DTNBP1: variants seen among roughly 807,000 people sequenced by gnomAD.
The protein encoded by DTNBP1 is dystrobrevin binding protein 1, also known as dysbindin.
Under a neutral mutation model 42.8 loss-of-function variants are expected in DTNBP1, and 35 were observed. The observed-to-expected ratio is 0.82, with a 90% CI of 0.63 to 1.09. The LOEUF (loss-of-function observed/expected upper bound fraction) is 1.09. DTNBP1 is among the 50% of genes least tolerant of loss of function. The pLI, the probability that DTNBP1 is intolerant of heterozygous loss-of-function variation, is 0.00. For synonymous variants in DTNBP1, 171 were observed against 162.2 expected (o/e 1.05, Z -0.41); for missense variants, 457 against 424.2 (o/e 1.08, Z -0.68).
chr6:15,584,709 T>C (rs895152308), intron 7 of DTNBP1, among the ~76,000 whole-genome samples: 3 of 143,668 alleles, frequency 2.1e-5, no homozygotes, highest in South Asian at 2.2e-4. Context: ...GTATTTCTTT[T>C]TTTTTTTTTT....
intron 6 of DTNBP1, among the ~76,000 whole-genome samples, chr6:15,597,295 G>A (rs1018193182): frequency 6.6e-6 from 1 of 152,140 alleles, no homozygotes; most frequent in Non-Finnish European, 1.5e-5. Context: ...GGTTTGGTAG[G>A]AAAGGCCTCC....
intron 6 of DTNBP1, among the ~76,000 whole-genome samples, chr6:15,594,178 TGTGGCTGGGCGTG>T: frequency 6.6e-6 from 1 of 151,974 alleles, no homozygotes; most frequent in South Asian, 2.1e-4. Flanking sequence ...CAAAAACCTG[TGTGGCTGGGCGTG>T]GTGGCTCATG....
chr6:15,634,372 G>A (rs1462595565), intron 4 of DTNBP1, among the ~76,000 whole-genome samples: 21 of 152,086 alleles, frequency 1.4e-4, no homozygotes, highest in East Asian at 5.8e-4. Flanking sequence ...CCTAGAGTGC[G>A]GTGGCTCAAT....
chr6:15,643,525 A>G (rs184784251), intron 3 of DTNBP1, among the ~76,000 whole-genome samples: 31 of 152,220 alleles, frequency 2.0e-4, no homozygotes, highest in Admixed American at 1.9e-3. Context: ...CAAAAATCAT[A>G]AAGGCAGCTA....
intron 4 of DTNBP1, among the ~76,000 whole-genome samples, chr6:15,632,617 C>A (rs1210380299): frequency 6.6e-6 from 1 of 152,140 alleles, no homozygotes; most frequent in Non-Finnish European, 1.5e-5. Context: ...TCAAACACTG[C>A]AGGTTTTTGG....
intron 7 of DTNBP1, among the ~76,000 whole-genome samples, chr6:15,535,744 G>T (rs998506156): frequency 2.0e-5 from 3 of 152,234 alleles, no homozygotes; most frequent in Non-Finnish European, 4.4e-5. Context: ...ACGGGTAGAG[G>T]TTGGAACAGT....
upstream of DTNBP1, chr6:15,663,036 T>TCCGCGTTCCCGCC: frequency 4.5e-6 from 4 of 888,912 alleles, no homozygotes; most frequent in Non-Finnish European, 6.3e-6. Context: ...CCCAGCCCCT[T>TCCGCGTTCCCGCC]CCGCGTTCCC....
rs1441457510 is a variant in DTNBP1 at position 15,615,298 on chromosome 6, G to C, written c.457C>G (p.Gln153Glu). The C allele has an allele frequency of 1.9e-6, 3 of 1,613,964 alleles. No homozygotes were observed. The African/African-American group carries it at 4.0e-5, about 22-fold the overall frequency. The change falls in exon 6 of 10, where the codon CAG (glutamine) becomes GAG (glutamate). Residue 153 changes from glutamine to glutamate, a missense_variant. Coordinates refer to ENST00000344537, the MANE Select transcript of DTNBP1 (RefSeq NM_032122.5). Reference sequence around the variant, plus strand: ...TTTTTCTTGTAATTCTCCAGTTGCTGGGACTGCATATGTTTGCATCTTTCT... The same window carrying C: ...TTTTTCTTGTAATTCTCCAGTTGCTCGGACTGCATATGTTTGCATCTTTCT... The part of the protein sequence containing the change: ...ELERCKHMQS[Q>E]QLENYKKNKR...
At chr6:15,580,076 C>G (rs1365499528) in intron 7 of DTNBP1, among the ~76,000 whole-genome samples, 1 of 152,140 alleles carries the variant, frequency 6.6e-6, no homozygotes, top group Non-Finnish European at 1.5e-5. Flanking sequence ...AGATAAATAT[C>G]TGCAATAAAT....
At chr6:15,584,040 G>C (rs949879698) in intron 7 of DTNBP1, among the ~76,000 whole-genome samples, 4 of 152,054 alleles carry the variant, frequency 2.6e-5, no homozygotes, top group Non-Finnish European at 5.9e-5. Context: ...AACTGTCTTA[G>C]AGCCAAAATT....
At position 15,553,668 on chromosome 6, in the gene DTNBP1, A is replaced by C. The variant is rs567535114; in HGVS notation, c.512-20273T>G. Among the ~76,000 whole-genome samples, 5 of 138,670 alleles carry C rather than the reference A, an allele frequency of 3.6e-5. No individual in the cohort carries two copies. In the East Asian group the frequency reaches 1.1e-3, roughly 30 times the overall value. The allele number at this position is 138,670 out of a possible 152,430, so 91.0% of individuals were successfully genotyped here. Reference sequence around the variant, plus strand: ...ATAAAAGCCTATGTAGGTTCCTTAGAAGCAGACCCAGAGCCTGAAAGCTAA... The same window carrying C: ...ATAAAAGCCTATGTAGGTTCCTTAGCAGCAGACCCAGAGCCTGAAAGCTAA... On this transcript the variant is annotated intron_variant, in intron 7 of 9. Coordinates refer to ENST00000344537, the MANE Select transcript of DTNBP1 (RefSeq NM_032122.5).
chr6:15,615,043 A>G (rs1356544751), intron 6 of DTNBP1: 1 of 685,216 alleles, frequency 1.5e-6, no homozygotes, highest in Non-Finnish European at 2.6e-6. Context: ...CTTCATCTTT[A>G]TATTTGGGAT....
intron 1 of DTNBP1, among the ~76,000 whole-genome samples, chr6:15,655,663 A>G (rs1318923728): frequency 6.6e-6 from 1 of 152,060 alleles, no homozygotes; most frequent in Non-Finnish European, 1.5e-5. Flanking sequence ...AAGTAAAAAA[A>G]CAAAGTAGCC....
chr6:15,646,258 G>GAC (rs58643392), intron 3 of DTNBP1, among the ~76,000 whole-genome samples: 1,562 of 149,070 alleles, frequency 0.01, 13 homozygotes, highest in Middle Eastern at 0.024. Context: ...ATTTACAATA[G>GAC]ACACACACAC....
At chr6:15,575,945 T>C (rs1054386435) in intron 7 of DTNBP1, among the ~76,000 whole-genome samples, 2 of 152,148 alleles carry the variant, frequency 1.3e-5, no homozygotes, top group African/African-American at 4.8e-5. Context: ...TGCTGGCCCA[T>C]GAGCTGTGAG....
At chr6:15,553,855 CAGG>C (rs1344329085) in intron 7 of DTNBP1, among the ~76,000 whole-genome samples, 2 of 152,006 alleles carry the variant, frequency 1.3e-5, no homozygotes, top group Non-Finnish European at 1.5e-5. Context: ...ACTGCAGAAA[CAGG>C]AGGATCGCTC....
chr6:15,549,075 T>G (rs1255678393), intron 7 of DTNBP1, among the ~76,000 whole-genome samples: 3 of 152,242 alleles, frequency 2.0e-5, no homozygotes, highest in East Asian at 3.8e-4. Flanking sequence ...TGATCCAGAC[T>G]GCAAATAAAA....
At chr6:15,532,314 T>C (rs1035660943) in intron 8 of DTNBP1, among the ~76,000 whole-genome samples, 2 of 152,250 alleles carry the variant, frequency 1.3e-5, no homozygotes, top group Admixed American at 6.5e-5. Context: ...AGGAGTTCGG[T>C]GTCTGGACTT....
chr6:15,625,715 C>T (rs556630996), intron 5 of DTNBP1, among the ~76,000 whole-genome samples: 15 of 152,248 alleles, frequency 9.9e-5, no homozygotes, highest in African/African-American at 3.4e-4. Flanking sequence ...TATCCGTAAA[C>T]AGATTTACTC....
Sources: gnomAD v4.1 joint callset for allele counts (sites outside exome capture counted in the v4.1 genomes callset) on GRCh38, gnomAD v4.1.1 for gene constraint, MANE v1.5 for transcripts, NCBI Gene and HGNC (gene_info 2026-07-23, HGNC 2026-07-21) for gene names.